RSBN1L: variants seen among roughly 807,000 people sequenced by gnomAD.
RSBN1L encodes lysine-specific demethylase RSBN1L.
Under a neutral mutation model 67.7 loss-of-function variants are expected in RSBN1L, and 30 were observed. The observed-to-expected ratio is 0.44, with a 90% CI of 0.33 to 0.60. RSBN1L has a LOEUF of 0.60. Ranked by LOEUF, RSBN1L falls within the 20% of genes least tolerant of loss-of-function variation. The probability of loss-of-function intolerance (pLI) is 0.02; values close to 1 mark genes in which losing one functional copy is unlikely to be tolerated. For missense variants in RSBN1L, 992 were observed against 1,031.7 expected (o/e 0.96, Z 0.53); for synonymous variants, 433 against 387.0 (o/e 1.12, Z -1.39).
intron 1 of RSBN1L, among the ~76,000 whole-genome samples, chr7:77,702,060 G>C (rs1790825806): frequency 6.6e-6 from 1 of 152,032 alleles, no homozygotes; most frequent in African/African-American, 2.4e-5. Context: ...CTGCCTCCCA[G>C]GTTCGCATGA....
chr7:77,746,146 A>G (rs754235046), intron 2 of RSBN1L, among the ~76,000 whole-genome samples: 1 of 152,116 alleles, frequency 6.6e-6, no homozygotes, highest in Non-Finnish European at 1.5e-5. Context: ...GTATTAGTCC[A>G]TTTTCGCACT....
At chr7:77,702,041 C>G (rs542651981) in intron 1 of RSBN1L, among the ~76,000 whole-genome samples, 1 of 152,232 alleles carries the variant, frequency 6.6e-6, no homozygotes, top group African/African-American at 2.4e-5. Context: ...TTTTGGCTCC[C>G]TGCAACCTCT....
intron 1 of RSBN1L, among the ~76,000 whole-genome samples, chr7:77,699,599 A>G (rs1305774261): frequency 6.6e-6 from 1 of 152,180 alleles, no homozygotes; most frequent in African/African-American, 2.4e-5. Flanking sequence ...AGGATCATTG[A>G]CAGATATGAA....
chr7:77,699,407 A>C (rs1160956234), intron 1 of RSBN1L, among the ~76,000 whole-genome samples: 1 of 152,248 alleles, frequency 6.6e-6, no homozygotes, highest in East Asian at 1.9e-4. Flanking sequence ...AAAAGTCCTA[A>C]GTCAGAACTG....
intron 1 of RSBN1L, among the ~76,000 whole-genome samples, chr7:77,700,177 C>T (rs1790796976): frequency 6.6e-6 from 1 of 152,124 alleles, no homozygotes; most frequent in African/African-American, 2.4e-5. Context: ...ATCAATATTC[C>T]TGTAAGACTG....
At position 77,750,014 on chromosome 7, in the gene RSBN1L, T is replaced by A; in HGVS notation, c.1294T>A (p.Leu432Met). ...FPNSPVKMEI[L>M]GKKDIETTTM... The stretch of plus-strand genomic sequence containing the variant: ...CAATTCACCAGTGAAAATGGAGATA[T>A]TGGGAAAGAAAGATATAGAGACAAC... The change falls in exon 3 of 8, where the codon TTG becomes ATG. Residue 432 changes from leucine (L) to methionine (M), a missense_variant. Coordinates refer to ENST00000334955, the MANE Select transcript of RSBN1L (RefSeq NM_198467.3). 6.2e-7 allele frequency: 1 copy of A among 1,612,950 alleles called. No homozygotes were observed. The highest frequency in any genetic ancestry group is 1.3e-5 in the African/African-American group (1 of 74,952).
At chr7:77,725,144 A>C (rs1282525625) in intron 1 of RSBN1L, among the ~76,000 whole-genome samples, 1 of 151,074 alleles carries the variant, frequency 6.6e-6, no homozygotes, top group Non-Finnish European at 1.5e-5. Flanking sequence ...GCGCCCGGCC[A>C]CAAATCCCTT....
chr7:77,729,160 G>GTGTTTTTATGTGTGGAATTCTTTT (rs1267215102), intron 1 of RSBN1L, among the ~76,000 whole-genome samples: 1 of 152,036 alleles, frequency 6.6e-6, no homozygotes, highest in Non-Finnish European at 1.5e-5. Context: ...TTCCATTGTG[G>GTGTTTTTATGTGTGGAATTCTTTT]TGTTTTTATG....
intron 3 of RSBN1L, among the ~76,000 whole-genome samples, chr7:77,755,720 A>C (rs1369022230): frequency 6.6e-6 from 1 of 152,124 alleles, no homozygotes; most frequent in East Asian, 1.9e-4. Flanking sequence ...ACTGAAAAAA[A>C]AAATTGTAAG....
chr7:77,731,363 G>A (rs528686939), intron 1 of RSBN1L, among the ~76,000 whole-genome samples: 2 of 152,230 alleles, frequency 1.3e-5, no homozygotes, highest in South Asian at 4.1e-4. Flanking sequence ...AACCTCCCGA[G>A]TAGCTGGGAC....
At chr7:77,740,099 TA>T (rs1037967169) in intron 2 of RSBN1L, among the ~76,000 whole-genome samples, 6 of 152,018 alleles carry the variant, frequency 3.9e-5, no homozygotes, top group African/African-American at 1.4e-4. Context: ...ATATATATGA[TA>T]AAAAGTGTTT....
rs1001104490 is a variant in RSBN1L at position 77,782,136 on chromosome 7, T to C, written c.*2968T>C. 1 of 152,198 alleles carries C rather than the reference T, an allele frequency of 6.6e-6. No individual in the cohort carries two copies. The highest frequency in any genetic ancestry group is 1.5e-5 in the Non-Finnish European group (1 of 68,042). 9.4% of individuals were successfully genotyped at this position (152,198 alleles called of 1,614,324 possible). ...TCTTCAGATACAATCTGAGAACTTG[T>C]TGACTACCTTTGTTACATGCAAAAA... On this transcript the variant is annotated 3_prime_UTR_variant, in exon 8 of 8. Transcript: ENST00000334955.
chr7:77,741,794 C>G (rs971351282), intron 2 of RSBN1L, among the ~76,000 whole-genome samples: 1 of 151,694 alleles, frequency 6.6e-6, no homozygotes, highest in Non-Finnish European at 1.5e-5. Flanking sequence ...GGCCTTTTTC[C>G]TTATTTTAAA....
At chr7:77,748,943 C>G (rs1003000354) in intron 2 of RSBN1L, among the ~76,000 whole-genome samples, 4 of 152,166 alleles carry the variant, frequency 2.6e-5, no homozygotes, top group Non-Finnish European at 5.9e-5. Flanking sequence ...CTCTCTGTCT[C>G]TCTCTCGCTG....
At chr7:77,725,243 A>ATTTTTTTTTTTTTTT (rs1554338354) in intron 1 of RSBN1L, among the ~76,000 whole-genome samples, 1 of 57,912 alleles carries the variant, frequency 1.7e-5, no homozygotes, top group Non-Finnish European at 3.3e-5. Flanking sequence ...TAAGCCCCCC[A>ATTTTTTTTTTTTTTT]CTTTTTTTTT....
At chr7:77,734,780 C>A (rs938166696) in intron 1 of RSBN1L, among the ~76,000 whole-genome samples, 4 of 152,112 alleles carry the variant, frequency 2.6e-5, no homozygotes, top group African/African-American at 7.2e-5. Flanking sequence ...TGAGCCACCG[C>A]GCCCGGCCTG....
intron 1 of RSBN1L, among the ~76,000 whole-genome samples, chr7:77,707,682 TAATG>T (rs1790913765): frequency 6.6e-6 from 1 of 152,184 alleles, no homozygotes; most frequent in Admixed American, 6.5e-5. Flanking sequence ...CATTTGATAA[TAATG>T]AAAGTACCAA....
intron 1 of RSBN1L, 51 bp downstream of exon 1, chr7:77,697,106 C>G: frequency 7.6e-7 from 1 of 1,318,188 alleles, no homozygotes; most frequent in Non-Finnish European, 9.6e-7. Context: ...GTCCCCGCCG[C>G]CCCCTGGCGC....
Position 77,778,680 on chromosome 7 carries a change from G to A in RSBN1L, c.2053G>A (p.Ala685Thr). 1 of 1,614,034 alleles carries A rather than the reference G, an allele frequency of 6.2e-7. No homozygotes were observed. The highest frequency in any genetic ancestry group is 8.5e-7 in the Non-Finnish European group (1 of 1,180,000). ...FKTVSAVCSL[A>T]WHIRLKLYHS... ...GACAGTTTCAGCTGTATGCAGTTTA[G>A]CATGGCATATTCGGCTCAAATTATA... is the stretch of plus-strand genomic sequence containing the variant. The change falls in exon 8 of 8, where the codon GCA (alanine) becomes ACA (threonine). Residue 685 changes from alanine to threonine, a missense_variant. Ala to Thr is a moderately conservative substitution (Grantham distance 58). Around this residue, in one of 7 missense-constraint regions of RSBN1L, gnomAD observed 55 missense variants for 112.8 expected, o/e 0.49. Coordinates refer to ENST00000334955, the MANE Select transcript of RSBN1L (RefSeq NM_198467.3).
Sources: allele counts gnomAD v4.1 joint callset (sites outside exome capture counted in the v4.1 genomes callset), GRCh38; gene constraint gnomAD v4.1.1; regional missense constraint gnomAD v4.1.1; transcripts MANE v1.5; gene names NCBI Gene and HGNC (gene_info 2026-07-23, HGNC 2026-07-21).